The following TSPAN18 variants were observed in gnomAD, a reference collection of about 807,000 sequenced individuals.
TSPAN18 encodes tetraspanin-18.
In TSPAN18, 14 loss-of-function variants were observed where a neutral mutation model predicts 27.3. The ratio of observed to expected loss-of-function variants is 0.51; its 90% CI spans 0.34 to 0.80. TSPAN18 has a LOEUF of 0.80. Among genes scored for constraint, TSPAN18 ranks in the 30% least tolerant of loss-of-function variants. TSPAN18 has a pLI of 0.01. For missense variants in TSPAN18, 268 were observed against 323.9 expected, an observed-to-expected ratio of 0.83 and a Z score of 1.32; for synonymous variants, 143 against 136.5, an observed-to-expected ratio of 1.05 and a Z score of -0.33.
At chr11:44,879,008 C>G (rs931883125) in intron 3 of TSPAN18, among the ~76,000 whole-genome samples, 1 of 152,214 alleles carries the variant, frequency 6.6e-6, no homozygotes, top group African/African-American at 2.4e-5. Flanking sequence ...ACGCGACCTG[C>G]GTAATCCCAC....
intron 2 of TSPAN18, among the ~76,000 whole-genome samples, chr11:44,765,445 G>T (rs1396113374): frequency 1.3e-5 from 2 of 152,178 alleles, no homozygotes; most frequent in Non-Finnish European, 2.9e-5. Context: ...AGGAACCTTG[G>T]TTTGAGTCCC....
intron 2 of TSPAN18, among the ~76,000 whole-genome samples, chr11:44,813,871 C>T (rs1274456562): frequency 6.6e-6 from 1 of 152,190 alleles, no homozygotes; most frequent in Non-Finnish European, 1.5e-5. Context: ...GATCCAACCA[C>T]GCCCAGACCT....
At chr11:44,907,649 G>A (rs1859501699) in intron 4 of TSPAN18, among the ~76,000 whole-genome samples, 1 of 152,108 alleles carries the variant, frequency 6.6e-6, no homozygotes, top group African/African-American at 2.4e-5. Flanking sequence ...GTTCCCACCC[G>A]AAATGGAGCT....
rs559523395 is a variant in TSPAN18, at chr11:44,810,092, A to G, written c.-153+45580A>G. Reference sequence around the variant, plus strand: ...CGTTTGCCTTCATATCATTGGGAAAACTCAGGCTTTTCTTGCATCTTTTTT... The same window carrying G: ...CGTTTGCCTTCATATCATTGGGAAAGCTCAGGCTTTTCTTGCATCTTTTTT... On this transcript the variant is annotated intron_variant, in intron 2 of 9. Transcript: ENST00000520358. 3.5e-4 allele frequency among the ~76,000 whole-genome samples: 54 copies of G among 152,140 alleles called. 1 individual carries two copies. Among genetic ancestry groups the G allele is most frequent in the Non-Finnish European group, 4.3e-4 (29 of 67,988 alleles).
intron 2 of TSPAN18, among the ~76,000 whole-genome samples, chr11:44,813,707 A>C (rs368666979): frequency 2.6e-5 from 4 of 152,202 alleles, no homozygotes; most frequent in South Asian, 4.1e-4. Flanking sequence ...AGCTGCATGC[A>C]TGACAAAAAT....
At chr11:44,804,218 C>G (rs559800935) in intron 2 of TSPAN18, among the ~76,000 whole-genome samples, 3 of 152,312 alleles carry the variant, frequency 2.0e-5, no homozygotes, top group Admixed American at 2.0e-4. Flanking sequence ...ATTCTCCTGC[C>G]TCAGTCTCCA....
chr11:44,753,381 C>T (rs1231742377), intron 1 of TSPAN18, among the ~76,000 whole-genome samples: 2 of 152,166 alleles, frequency 1.3e-5, no homozygotes, highest in African/African-American at 2.4e-5. Context: ...CCGCCCGCCT[C>T]AGCCTCCCAA....
chr11:44,839,514 G>A lies in TSPAN18; in HGVS notation c.-152-20814G>A, dbSNP rs75942484. 9.8e-3 allele frequency among the ~76,000 whole-genome samples: 1,495 copies of A among 152,108 alleles called. 25 individuals carry two copies. Among genetic ancestry groups the A allele is most frequent in the South Asian group, 0.077 (369 of 4,814 alleles). ...CCTCCTGTCTTCCTCTGTCCCACCTGCAACAGCTTCTCGGGATGCAAACTC... is the reference window on the plus strand; with the variant it reads ...CCTCCTGTCTTCCTCTGTCCCACCTACAACAGCTTCTCGGGATGCAAACTC... On this transcript the variant is annotated intron_variant, in intron 2 of 9. Transcript: ENST00000520358.
At chr11:44,741,516 A>G (rs12417513) in intron 1 of TSPAN18, among the ~76,000 whole-genome samples, 19,220 of 151,026 alleles carry the variant, frequency 0.13, 2,476 homozygotes, top group East Asian at 0.68. Context: ...TTTTGGAAAA[A>G]AAAATAATGA....
intron 2 of TSPAN18, among the ~76,000 whole-genome samples, chr11:44,776,554 A>G (rs919713096): frequency 6.6e-6 from 1 of 152,150 alleles, no homozygotes; most frequent in African/African-American, 2.4e-5. Context: ...AGAAATCAAC[A>G]TACCAGTGCT....
At position 44,930,509 on chromosome 11, in the gene TSPAN18, CT is replaced by C. The variant is rs1198282414; in HGVS notation, c.*1332del. On this transcript the variant is annotated 3_prime_UTR_variant, in exon 10 of 10. Transcript: ENST00000520358. ...AATCCCGAAGGCATCGAGGCCATTT[CT>C]GCTGCAACAAGGTTTCCTGTCTCTT... 4 of 242,178 alleles carry C rather than the reference CT, an allele frequency of 1.7e-5. No individual in the cohort carries two copies. In the Admixed American group the frequency reaches 2.0e-4, roughly 12 times the overall value. The allele number at this position is 242,178 out of a possible 1,614,324, so 15.0% of individuals were successfully genotyped here. A position where few individuals can be genotyped will look rare whatever the true frequency, so the allele number is the denominator to read the frequency against.
At chr11:44,733,840 C>A (rs1027511583) in intron 1 of TSPAN18, among the ~76,000 whole-genome samples, 6 of 152,204 alleles carry the variant, frequency 3.9e-5, no homozygotes, top group African/African-American at 1.4e-4. Flanking sequence ...TACCCCCATG[C>A]TGGCCCATTG....
At chr11:44,819,967 C>A (rs903206920) in intron 2 of TSPAN18, among the ~76,000 whole-genome samples, 3 of 152,102 alleles carry the variant, frequency 2.0e-5, no homozygotes, top group Admixed American at 1.3e-4. Context: ...TGAAAGCTCC[C>A]TGGGACTAAG....
chr11:44,812,347 G>C (rs1213197836), intron 2 of TSPAN18, among the ~76,000 whole-genome samples: 1 of 152,166 alleles, frequency 6.6e-6, no homozygotes, highest in Non-Finnish European at 1.5e-5. Context: ...GCATATTAGG[G>C]CTCAGATCTG....
intron 2 of TSPAN18, among the ~76,000 whole-genome samples, chr11:44,770,741 G>C (rs1855672018): frequency 6.6e-6 from 1 of 152,162 alleles, no homozygotes. Flanking sequence ...CCATGGGAGA[G>C]GCAAGGTGGC....
At chr11:44,765,456 T>C (rs11038135) in intron 2 of TSPAN18, among the ~76,000 whole-genome samples, 13,519 of 152,194 alleles carry the variant, frequency 0.089, 1,444 homozygotes, top group East Asian at 0.46. Flanking sequence ...TTTGAGTCCC[T>C]GCCTATCAGA....
At chr11:44,839,561 A>G (rs965781116) in intron 2 of TSPAN18, among the ~76,000 whole-genome samples, 1 of 151,692 alleles carries the variant, frequency 6.6e-6, no homozygotes, top group African/African-American at 2.4e-5. Flanking sequence ...TTTCCCTCTT[A>G]TCTAGCCCAC....
chr11:44,928,154 C>T (rs1254658052), intron 9 of TSPAN18, among the ~76,000 whole-genome samples: 1 of 152,190 alleles, frequency 6.6e-6, no homozygotes, highest in Non-Finnish European at 1.5e-5. Context: ...CAAATCTGGT[C>T]AGAGTCCCTG....
chr11:44,911,397 A>G (rs1564997489), intron 5 of TSPAN18, among the ~76,000 whole-genome samples: 1 of 152,180 alleles, frequency 6.6e-6, no homozygotes, highest in Non-Finnish European at 1.5e-5. Flanking sequence ...ATCCAAAGGA[A>G]GTGAAGTCAG....
Sources: allele counts gnomAD v4.1 joint callset (sites outside exome capture counted in the v4.1 genomes callset), GRCh38; gene constraint gnomAD v4.1.1; transcripts MANE v1.5; gene names NCBI Gene and HGNC (gene_info 2026-07-23, HGNC 2026-07-21).